FHDC1: variants seen among roughly 807,000 people sequenced by gnomAD.
The protein encoded by FHDC1 is FH2 domain-containing protein 1.
In FHDC1, 25 loss-of-function variants were observed where a neutral mutation model predicts 52.6. The observed-to-expected ratio is 0.48, with a 90% CI of 0.35 to 0.66. The LOEUF is 0.66. Among genes scored for constraint, FHDC1 ranks in the 30% least tolerant of loss-of-function variants. The pLI is 0.01. For missense variants in FHDC1, 1,459 were observed against 1,452.8 expected (o/e 1.00, Z -0.07); for synonymous variants, 616 against 581.5 (o/e 1.06, Z -0.85).
intron 4 of FHDC1, among the ~76,000 whole-genome samples, chr4:152,957,029 A>G (rs919355042): frequency 8.5e-5 from 13 of 152,304 alleles, no homozygotes; most frequent in African/African-American, 3.1e-4. Flanking sequence ...CCCTGGCACC[A>G]GTCAGACCCA....
intron 9 of FHDC1, 102 bp from the exon 10 acceptor site, chr4:152,967,878 C>T: frequency 1.3e-6 from 1 of 793,668 alleles, no homozygotes; most frequent in Non-Finnish European, 2.1e-6. Flanking sequence ...TAGCTCTCCC[C>T]TTCTGTTTCC....
chr4:152,939,748 A>T lies in FHDC1; in HGVS notation c.-130-3180A>T, dbSNP rs189094445. 2.8e-4 allele frequency among the ~76,000 whole-genome samples: 43 copies of T among 152,282 alleles called. No individual in the cohort carries two copies. In the East Asian group the frequency reaches 7.5e-3, roughly 27 times the overall value. On this transcript the variant is annotated intron_variant, in intron 1 of 11. Coordinates refer to ENST00000511601, the MANE Select transcript of FHDC1 (RefSeq NM_001371116.1). ...ACATTCCCATCTTCAGAGCCCAGCC[A>T]TGACAGCTCTGCATTTTACTCAGAG...
Position 152,975,114 on chromosome 4 carries a change from A to T in FHDC1, c.1823A>T (p.Gln608Leu). The T allele has an allele frequency of 6.2e-7, 1 of 1,612,706 alleles. No individual in the cohort carries two copies. The highest frequency in any genetic ancestry group is 8.5e-7 in the Non-Finnish European group (1 of 1,179,990). ...CACAAACCTCAGGCCTCGGGGGGCC[A>T]GGAGGAGGCCCCCAACCCACCCTCA... ...FAHKPQASGG[Q>L]EEAPNPPSAQ... The change falls in exon 12 of 12, where the codon CAG becomes CTG. Residue 608 changes from glutamine (Q) to leucine (L), a missense_variant. Coordinates refer to ENST00000511601, the MANE Select transcript of FHDC1 (RefSeq NM_001371116.1).
chr4:152,936,325 T>A lies in FHDC1; in HGVS notation c.-215T>A, dbSNP rs1739373732. 1 of 152,154 alleles carries A rather than the reference T, an allele frequency of 6.6e-6. No homozygotes were observed. Among genetic ancestry groups the A allele is most frequent in the Non-Finnish European group, 1.5e-5 (1 of 68,126 alleles). 9.4% of individuals were successfully genotyped at this position (152,154 alleles called of 1,614,324 possible). Reference sequence around the variant, plus strand: ...CGCTCAGGGTTGGCTGGGCCTGCAGTGACCGGGAGGAGGCGGCTACGCCGA... The same window carrying A: ...CGCTCAGGGTTGGCTGGGCCTGCAGAGACCGGGAGGAGGCGGCTACGCCGA... On this transcript the variant is annotated 5_prime_UTR_variant, in exon 1 of 12. Coordinates refer to ENST00000511601, the MANE Select transcript of FHDC1 (RefSeq NM_001371116.1).
chr4:152,962,809 G>A lies in FHDC1; in HGVS notation c.851-5G>A, dbSNP rs1241105083. The A allele has an allele frequency of 1.9e-6, 3 of 1,613,576 alleles. No homozygotes were observed. Among genetic ancestry groups the A allele is most frequent in the Admixed American group, 3.3e-5 (2 of 59,986 alleles). ...TAAGGTGCTGTGATGTGTTCTTTTT[G>A]ATAGAACTGATGTCATGTGAAGAGC... On this transcript the variant is annotated splice_region_variant and splice_polypyrimidine_tract_variant and intron_variant, in intron 6 of 11. Transcript: ENST00000511601.
At chr4:152,936,624 C>T (rs973408541) in intron 1 of FHDC1, among the ~76,000 whole-genome samples, 9 of 152,230 alleles carry the variant, frequency 5.9e-5, no homozygotes, top group Non-Finnish European at 4.4e-5. Flanking sequence ...ACATCCACCC[C>T]GGTGACTTTG....
intron 10 of FHDC1, among the ~76,000 whole-genome samples, chr4:152,969,642 C>G (rs1372015076): frequency 6.7e-6 from 1 of 149,814 alleles, no homozygotes; most frequent in Non-Finnish European, 1.5e-5. Context: ...TGTTTTAACC[C>G]TTTACACTTC....
chr4:152,955,725 G>A (rs760998030), intron 4 of FHDC1, among the ~76,000 whole-genome samples: 3 of 152,150 alleles, frequency 2.0e-5, no homozygotes, highest in Non-Finnish European at 2.9e-5. Flanking sequence ...TTATTCACCC[G>A]CCTTGGCCTC....
At chr4:152,961,809 A>T (rs1001376728) in intron 6 of FHDC1, among the ~76,000 whole-genome samples, 4 of 152,242 alleles carry the variant, frequency 2.6e-5, no homozygotes, top group Non-Finnish European at 4.4e-5. Flanking sequence ...AAAGATTTTT[A>T]AAAATTTCAA....
In FHDC1 at chr4:152,975,942, A is replaced by AG; in HGVS notation, c.2656dup (p.Ala886GlyfsTer113). The AG allele has an allele frequency of 6.6e-7, 1 of 1,514,610 alleles. No homozygotes were observed. The allele number at this position is 1,514,610 out of a possible 1,614,324, so 93.8% of individuals were successfully genotyped here. A position where few individuals can be genotyped will look rare whatever the true frequency, so the allele number is the denominator to read the frequency against. Reference sequence around the variant, plus strand: ...AAGCCCGGGAGCGCCCGGCGGAGCCAGGGGGCAGTGGCCAAGTCTGTGCGG... The same window carrying AG: ...AAGCCCGGGAGCGCCCGGCGGAGCCAGGGGGGCAGTGGCCAAGTCTGTGCGG... On this transcript the variant is annotated frameshift_variant, in exon 12 of 12. Transcript: ENST00000511601. LOFTEE classifies it low-confidence loss of function (END_TRUNC).
In FHDC1 at chr4:152,960,835, G is replaced by A. The variant is rs1157577628; in HGVS notation, c.841G>A (p.Ala281Thr). 1.3e-6 allele frequency: 2 copies of A among 1,582,756 alleles called. No individual in the cohort carries two copies. The highest frequency in any genetic ancestry group is 1.9e-5 in the Admixed American group (1 of 52,910). ...TACAGATATAACAGTTTTAAGAACT[G>A]CTATAAAAGGTGAGTCAACATATGA... The part of the protein sequence containing the change: ...LYTDITVLRT[A>T]IKELMSCEEL... The change falls in exon 6 of 12, where the codon GCT (alanine) becomes ACT (threonine). Residue 281 changes from alanine to threonine, a missense_variant. By Grantham distance (58) the Ala-to-Thr change is moderately conservative. Transcript: ENST00000511601.
At chr4:152,952,932 GA>G (rs1739971068) in intron 2 of FHDC1, among the ~76,000 whole-genome samples, 1 of 152,150 alleles carries the variant, frequency 6.6e-6, no homozygotes, top group Non-Finnish European at 1.5e-5. Context: ...AACAGTTCAA[GA>G]CCAGCCTGGA....
At chr4:152,966,501 C>T (rs1186231001) in intron 9 of FHDC1, among the ~76,000 whole-genome samples, 1 of 151,988 alleles carries the variant, frequency 6.6e-6, no homozygotes, top group Non-Finnish European at 1.5e-5. Context: ...GCTGTGTCAC[C>T]CAGGCTGGAG....
intron 4 of FHDC1, among the ~76,000 whole-genome samples, chr4:152,957,857 G>A (rs927723164): frequency 3.3e-4 from 50 of 152,078 alleles, no homozygotes; most frequent in African/African-American, 1.1e-3. Flanking sequence ...GAAGAAGGTG[G>A]GCCCAGAAAT....
At chr4:152,932,811 G>T (rs757174521), upstream of FHDC1, among the ~76,000 whole-genome samples, 2 of 152,174 alleles carry the variant, frequency 1.3e-5, no homozygotes, top group African/African-American at 4.8e-5. Context: ...TCTGAAATTT[G>T]ATTCATTTTG....
At chr4:152,950,033 G>T (rs1420818303) in intron 2 of FHDC1, among the ~76,000 whole-genome samples, 1 of 152,084 alleles carries the variant, frequency 6.6e-6, no homozygotes, top group Non-Finnish European at 1.5e-5. Flanking sequence ...GGGAGGGAGG[G>T]GATGATGCAG....
intron 8 of FHDC1, 110 bp from the exon 9 acceptor site, chr4:152,964,795 G>A (rs1255671427): frequency 2.4e-6 from 2 of 844,338 alleles, no homozygotes; most frequent in Non-Finnish European, 3.8e-6. Flanking sequence ...CTTTGAATGT[G>A]TCAAGTTTAA....
chr4:152,912,295 A>C, the FHDC1 span: 2 of 152,202 alleles, frequency 1.3e-5, no homozygotes, highest in African/African-American at 4.8e-5. Context: ...ATTAGAAGAA[A>C]ATTTCAAGTA....
At chr4:152,964,258 A>C (rs1407435912) in intron 8 of FHDC1, among the ~76,000 whole-genome samples, 2 of 152,198 alleles carry the variant, frequency 1.3e-5, no homozygotes, top group Non-Finnish European at 2.9e-5. Flanking sequence ...TTCAGAAGAC[A>C]AAGGGCCATG....
Sources: allele counts gnomAD v4.1 joint callset (sites outside exome capture counted in the v4.1 genomes callset), GRCh38; gene constraint gnomAD v4.1.1; transcripts MANE v1.5; gene names NCBI Gene and HGNC (gene_info 2026-07-23, HGNC 2026-07-21).